Variants in PPP2R2B observed in about 807,000 individuals in gnomAD.
The protein encoded by PPP2R2B is protein phosphatase 2 regulatory subunit Bbeta, also known as serine/threonine-protein phosphatase 2A 55 kDa regulatory subunit B beta isoform.
PPP2R2B carries 5 observed loss-of-function variants against 46.0 expected under a neutral mutation model. That is an observed-to-expected ratio of 0.11 (90% CI 0.06 to 0.23). The LOEUF is 0.23. PPP2R2B is among the 10% of genes least tolerant of loss of function. PPP2R2B has a pLI of 1.00. For synonymous variants in PPP2R2B, 215 were observed against 206.7 expected (o/e 1.04, Z -0.34); for missense variants, 367 against 575.0 (o/e 0.64, Z 3.70).
chr5:146,620,216 A>C, intron 7 of PPP2R2B, among the ~76,000 whole-genome samples: 1 of 152,226 alleles, frequency 6.6e-6, no homozygotes, highest in Non-Finnish European at 1.5e-5. Flanking sequence ...GGGGAAGCGA[A>C]AACCTGTGTT....
chr5:147,042,050 G>A (rs1373801858), intron 1 of PPP2R2B, among the ~76,000 whole-genome samples: 4 of 152,064 alleles, frequency 2.6e-5, no homozygotes, highest in Non-Finnish European at 4.4e-5. Flanking sequence ...ATACTGTGGC[G>A]AGCTATATCC....
chr5:147,016,092 C>G (rs1026437745), intron 1 of PPP2R2B, among the ~76,000 whole-genome samples: 1 of 151,544 alleles, frequency 6.6e-6, no homozygotes, highest in Non-Finnish European at 1.5e-5. Context: ...GTTGGCCCAG[C>G]ACAGAGGCCA....
chr5:146,840,063 A>G (rs1759534881), intron 2 of PPP2R2B, among the ~76,000 whole-genome samples: 1 of 152,238 alleles, frequency 6.6e-6, no homozygotes, highest in African/African-American at 2.4e-5. Flanking sequence ...GAGCTAAAAG[A>G]GCAGAGAGCT....
chr5:146,860,344 C>A (rs541300910), intron 2 of PPP2R2B, among the ~76,000 whole-genome samples: 59 of 152,326 alleles, frequency 3.9e-4, no homozygotes, highest in African/African-American at 1.4e-3. Context: ...TCTAGACCAT[C>A]TTACCCATGT....
intron 2 of PPP2R2B, among the ~76,000 whole-genome samples, chr5:146,803,581 G>A (rs925896242): frequency 7.9e-5 from 12 of 152,124 alleles, no homozygotes; most frequent in African/African-American, 2.7e-4. Context: ...GCTAAGTCAT[G>A]CAGCTTTATT....
chr5:146,921,629 T>C (rs1315699407), intron 1 of PPP2R2B, among the ~76,000 whole-genome samples: 1 of 152,168 alleles, frequency 6.6e-6, no homozygotes, highest in East Asian at 1.9e-4. Flanking sequence ...AAAATACATA[T>C]TGGTGAGCCT....
chr5:146,988,019 A>G (rs74412654), intron 1 of PPP2R2B, among the ~76,000 whole-genome samples: 3,502 of 152,118 alleles, frequency 0.023, 154 homozygotes, highest in African/African-American at 0.079. Flanking sequence ...ATTTTAAGAG[A>G]CAAAATGCTA....
intron 2 of PPP2R2B, among the ~76,000 whole-genome samples, chr5:146,818,287 C>T (rs376897008): frequency 5.3e-5 from 8 of 151,298 alleles, no homozygotes; most frequent in African/African-American, 1.7e-4. Flanking sequence ...GACAGCCAAA[C>T]GATATTTGTT....
intron 2 of PPP2R2B, among the ~76,000 whole-genome samples, chr5:146,701,650 A>G (rs1779546519): frequency 6.6e-6 from 1 of 152,228 alleles, no homozygotes; most frequent in African/African-American, 2.4e-5. Context: ...CTGCCAGTCG[A>G]TAATTCAAGG....
intron 2 of PPP2R2B, among the ~76,000 whole-genome samples, chr5:147,079,566 C>G (rs1757912267): frequency 6.6e-6 from 1 of 151,048 alleles, no homozygotes; most frequent in African/African-American, 2.4e-5. Context: ...ACATAGTTCA[C>G]TTAATAGTGA....
At chr5:146,798,347 G>T (rs1250970412) in intron 2 of PPP2R2B, among the ~76,000 whole-genome samples, 4 of 152,014 alleles carry the variant, frequency 2.6e-5, no homozygotes, top group African/African-American at 7.2e-5. Context: ...CCTGATGAAG[G>T]CTTCCCCAGC....
chr5:146,975,787 G>A (rs530536436), intron 1 of PPP2R2B, among the ~76,000 whole-genome samples: 42 of 151,976 alleles, frequency 2.8e-4, no homozygotes, highest in South Asian at 1.9e-3. Flanking sequence ...TATTTTATTT[G>A]GCAAAATATC....
rs534970345 is a variant in PPP2R2B, at chr5:146,589,743, A to AGAAGT, written c.*199_*203dup. ...TAGCTGGCAGCTTTCAATTCTAAAC[A>AGAAGT]GAAGTGTCCCAAACCTATTGGGTTT... On this transcript the variant is annotated 3_prime_UTR_variant, in exon 10 of 10. Coordinates refer to ENST00000394411, the MANE Select transcript of PPP2R2B (RefSeq NM_181675.4). 9.2e-4 allele frequency: 528 copies of AGAAGT among 571,994 alleles called. 3 individuals carry two copies. In the African/African-American group the frequency reaches 9.4e-3, roughly 10 times the overall value. 35.4% of individuals were successfully genotyped at this position (571,994 alleles called of 1,614,324 possible).
chr5:146,951,329 C>T (rs1228797362), intron 1 of PPP2R2B, among the ~76,000 whole-genome samples: 1 of 151,654 alleles, frequency 6.6e-6, no homozygotes, highest in Non-Finnish European at 1.5e-5. Flanking sequence ...TTCCATTCCC[C>T]GTTTAAAGTT....
chr5:146,985,963 C>A (rs1753411810), intron 1 of PPP2R2B, among the ~76,000 whole-genome samples: 1 of 152,074 alleles, frequency 6.6e-6, no homozygotes, highest in Non-Finnish European at 1.5e-5. Flanking sequence ...AAAGGTAGAG[C>A]AAGATGGCAT....
At chr5:147,011,383 C>T (rs1190025657) in intron 1 of PPP2R2B, among the ~76,000 whole-genome samples, 1 of 151,998 alleles carries the variant, frequency 6.6e-6, no homozygotes, top group Non-Finnish European at 1.5e-5. Context: ...TTTAACATGT[C>T]ATATATATCA....
chr5:146,735,663 T>C (rs1437118751), intron 2 of PPP2R2B, among the ~76,000 whole-genome samples: 2 of 152,172 alleles, frequency 1.3e-5, no homozygotes, highest in Non-Finnish European at 2.9e-5. Flanking sequence ...GGAATGGCTA[T>C]GGAGTGGCCT....
chr5:146,847,586 G>A (rs995945555), intron 2 of PPP2R2B, among the ~76,000 whole-genome samples: 2 of 152,110 alleles, frequency 1.3e-5, no homozygotes, highest in African/African-American at 4.8e-5. Context: ...CTCTGTTGGT[G>A]GTGGATGTAG....
exon 1 of PPP2R2B, chr5:147,081,377 G>T: frequency 1.5e-6 from 2 of 1,368,004 alleles, no homozygotes; most frequent in Non-Finnish European, 2.0e-6. Context: ...GCCAGGACCA[G>T]TTTGAACTGG....
Sources: gnomAD v4.1 joint callset for allele counts (sites outside exome capture counted in the v4.1 genomes callset) on GRCh38, gnomAD v4.1.1 for gene constraint, MANE v1.5 for transcripts, NCBI Gene and HGNC (gene_info 2026-07-23, HGNC 2026-07-21) for gene names.